The following MGAT5B variants were observed in gnomAD, a reference collection of about 807,000 sequenced individuals.
MGAT5B encodes the protein alpha-1,6-mannosylglycoprotein 6-beta-N-acetylglucosaminyltransferase B, also known as N-acetylglucosaminyl-transferase Vb.
A neutral mutation model predicts 95.1 loss-of-function variants in MGAT5B; 54 were observed. That is an observed-to-expected ratio of 0.57 (90% confidence interval 0.46 to 0.71). The LOEUF (loss-of-function observed/expected upper bound fraction) is 0.71, where lower values mean the gene tolerates loss of function less well. Among genes scored for constraint, MGAT5B ranks in the 30% least tolerant of loss-of-function variants. The pLI, the probability that MGAT5B is intolerant of heterozygous loss-of-function variation, is 0.00. For synonymous variants in MGAT5B, 464 were observed against 451.0 expected, an observed-to-expected ratio of 1.03 and a Z score of -0.36; for missense variants, 935 against 1,088.6, an observed-to-expected ratio of 0.86 and a Z score of 1.99.
At chr17:76,908,275 C>CTT (rs5822149) in intron 8 of MGAT5B, among the ~76,000 whole-genome samples, 4 of 103,066 alleles carry the variant, frequency 3.9e-5, no homozygotes, top group Non-Finnish European at 5.7e-5. Context: ...TTTCTTTCTT[C>CTT]TTTTTTTTTT....
intron 3 of MGAT5B, among the ~76,000 whole-genome samples, chr17:76,900,117 G>C (rs1968251342): frequency 6.6e-6 from 1 of 152,090 alleles, no homozygotes; most frequent in African/African-American, 2.4e-5. Context: ...GAGAGGCTCG[G>C]TGACCTGCCC....
chr17:76,933,529 C>A (rs569071092), intron 12 of MGAT5B, among the ~76,000 whole-genome samples: 1 of 152,132 alleles, frequency 6.6e-6, no homozygotes, highest in African/African-American at 2.4e-5. Flanking sequence ...GGTCAAGGTC[C>A]TGCTTGGCAT....
At chr17:76,900,847 G>A (rs1968277822) in intron 3 of MGAT5B, among the ~76,000 whole-genome samples, 1 of 152,194 alleles carries the variant, frequency 6.6e-6, no homozygotes, top group Non-Finnish European at 1.5e-5. Context: ...ACTAGAGTGA[G>A]AGGACAGACT....
Position 76,934,098 on chromosome 17 carries a change from A to G in MGAT5B, c.1428+801A>G, listed in dbSNP as rs185560462. On this transcript the variant is annotated intron_variant, in intron 12 of 17. Transcript: ENST00000569840. ...TGTGCCCAGCCCTGTTCTGGGTTCT[A>G]TGACTGAGGAAGGAGGAGAGAAGGA... Among the ~76,000 whole-genome samples, 16 of 152,248 alleles carry G rather than the reference A, an allele frequency of 1.1e-4. 1 individual carries two copies. Among genetic ancestry groups the G allele is most frequent in the South Asian group, 6.2e-4 (3 of 4,820 alleles).
At chr17:76,886,160 A>G (rs528316654) in intron 3 of MGAT5B, among the ~76,000 whole-genome samples, 1 of 152,362 alleles carries the variant, frequency 6.6e-6, no homozygotes, top group African/African-American at 2.4e-5. Context: ...CCATAAGGCC[A>G]TAAAACCACC....
Position 76,946,421 on chromosome 17 carries a change from G to C in MGAT5B, c.1894G>C (p.Glu632Gln). ...PYEYTCEGML[E>Q]RIHAYIQHQD... The stretch of plus-strand genomic sequence containing the variant: ...CGAGTACACCTGCGAGGGGATGCTG[G>C]AGCGGATCCACGCCTACATCCAGCA... Residue 632 changes from glutamate (E) to glutamine (Q), a missense_variant, in exon 16 of 18, where the codon GAG (glutamate) becomes CAG (glutamine). This residue lies in a region of MGAT5B where 440 missense variants were observed against 523.6 expected (regional missense o/e 0.84). Coordinates refer to ENST00000569840, the MANE Select transcript of MGAT5B (RefSeq NM_001199172.2). 6.2e-7 allele frequency: 1 copy of C among 1,604,714 alleles called. No individual in the cohort carries two copies. Among genetic ancestry groups the C allele is most frequent in the Non-Finnish European group, 8.5e-7 (1 of 1,175,184 alleles).
At chr17:76,904,594 G>A (rs1567805331) in intron 6 of MGAT5B, among the ~76,000 whole-genome samples, 172 bp downstream of exon 6, 2 of 152,250 alleles carry the variant, frequency 1.3e-5, no homozygotes, top group Admixed American at 6.5e-5. Context: ...GCCAAGGCCT[G>A]TCTGCCTTCT....
intron 6 of MGAT5B, among the ~76,000 whole-genome samples, chr17:76,904,728 C>T (rs1209348711): frequency 3.9e-5 from 6 of 152,228 alleles, no homozygotes; most frequent in Non-Finnish European, 2.9e-5. Context: ...TGTCCAGATG[C>T]TTTATTTGCA....
At chr17:76,947,008 A>G (rs571852420) in intron 16 of MGAT5B, among the ~76,000 whole-genome samples, 1 of 152,286 alleles carries the variant, frequency 6.6e-6, no homozygotes, top group South Asian at 2.1e-4. Context: ...GTGGGTGAGG[A>G]GGAGGGCGTG....
At chr17:76,877,802 A>G (rs1026811146) in intron 2 of MGAT5B, among the ~76,000 whole-genome samples, 1 of 151,868 alleles carries the variant, frequency 6.6e-6, no homozygotes, top group African/African-American at 2.4e-5. Flanking sequence ...TCAATTTCCA[A>G]TGGTAAAGGG....
rs963942520 is a variant in MGAT5B at position 76,905,502 on chromosome 17, C to T, written c.855+169C>T. On this transcript the variant is annotated intron_variant, in intron 7 of 17. Transcript: ENST00000569840. The surrounding 1 kb of genome is among the most constrained non-coding windows in gnomAD (Gnocchi z 4.2). ...TCGGGATAGATGTCTGTGGTGGTGG[C>T]CCCTGGCCCTTTTCAAGGTTGGGAC... 2.6e-5 allele frequency among the ~76,000 whole-genome samples: 4 copies of T among 152,154 alleles called. No individual in the cohort carries two copies. The highest frequency in any genetic ancestry group is 1.9e-4 in the East Asian group (1 of 5,188).
chr17:76,936,649 C>T (rs774223597), intron 12 of MGAT5B, among the ~76,000 whole-genome samples: 2 of 152,252 alleles, frequency 1.3e-5, no homozygotes, highest in South Asian at 2.1e-4. Flanking sequence ...AGTTCTTTTA[C>T]GTTTTTGCGT....
In MGAT5B at chr17:76,882,249, A is replaced by T; in HGVS notation, c.280A>T (p.Ser94Cys). The change falls in exon 3 of 18, where the codon AGC (serine) becomes TGC (cysteine). Residue 94 changes from serine to cysteine, a missense_variant. Coordinates refer to ENST00000569840, the MANE Select transcript of MGAT5B (RefSeq NM_001199172.2). ...RMDALARLEN[S>C]SELHRAGGDL... ...GGACGCACTGGCCAGGCTGGAGAAC[A>T]GCAGTGAGCTGCACCGGGCCGGCGG... 4 of 1,613,730 alleles carry T rather than the reference A, an allele frequency of 2.5e-6. No individual in the cohort carries two copies. The highest frequency in any genetic ancestry group is 3.4e-6 in the Non-Finnish European group (4 of 1,179,944).
chr17:76,922,285 C>T (rs1969145061), intron 8 of MGAT5B, among the ~76,000 whole-genome samples: 1 of 152,170 alleles, frequency 6.6e-6, no homozygotes, highest in South Asian at 2.1e-4. Context: ...TTTTACTAGA[C>T]CCAGATTCCA....
At position 76,918,587 on chromosome 17, in the gene MGAT5B, G is replaced by A. The variant is rs1252662483; in HGVS notation, c.1026-6379G>A. 6.6e-6 allele frequency among the ~76,000 whole-genome samples: 1 copy of A among 152,214 alleles called. No homozygotes were observed. Among genetic ancestry groups the A allele is most frequent in the African/African-American group, 2.4e-5 (1 of 41,458 alleles). On this transcript the variant is annotated intron_variant, in intron 8 of 17. Coordinates refer to ENST00000569840, the MANE Select transcript of MGAT5B (RefSeq NM_001199172.2). The surrounding 1 kb of genome is among the most constrained non-coding windows in gnomAD (Gnocchi z 5.1). ...CCTAAAGCAGCTCATTAGATGTCCA[G>A]TTCAACCTCTGAGTTTCTTCTTTCT...
intron 3 of MGAT5B, among the ~76,000 whole-genome samples, chr17:76,883,693 T>C (rs902846936): frequency 2.0e-5 from 3 of 152,234 alleles, no homozygotes; most frequent in African/African-American, 7.2e-5. Context: ...ATTTGCTAAA[T>C]GTATTCTAGC....
intron 3 of MGAT5B, among the ~76,000 whole-genome samples, chr17:76,898,398 G>A (rs496994): frequency 0.13 from 19,140 of 147,852 alleles, 1,634 homozygotes; most frequent in African/African-American, 0.21. Flanking sequence ...ACGCGATCTC[G>A]GCTCACTGCA....
intron 15 of MGAT5B, among the ~76,000 whole-genome samples, chr17:76,942,303 G>A (rs572189261): frequency 8.5e-5 from 13 of 152,050 alleles, no homozygotes; most frequent in Admixed American, 4.6e-4. Flanking sequence ...CGAAGCGGGC[G>A]GATCACTTGA....
Position 76,925,066 on chromosome 17 carries a change from C to T in MGAT5B, c.1126C>T (p.Arg376Trp), listed in dbSNP as rs769396088. Residue 376 changes from arginine (R) to tryptophan (W), a missense_variant, in exon 9 of 18, where the codon CGG becomes TGG. Around this residue, in one of 4 missense-constraint regions of MGAT5B, gnomAD observed 243 missense variants for 305.5 expected, o/e 0.80. Coordinates refer to ENST00000569840, the MANE Select transcript of MGAT5B (RefSeq NM_001199172.2). ...CTACCACGGCCTGCAGCAGATGAAGCGGCACATGGGACTCTCCTTCAAGAA... is the reference window on the plus strand; with the variant it reads ...CTACCACGGCCTGCAGCAGATGAAGTGGCACATGGGACTCTCCTTCAAGAA... Reference protein sequence around the residue: ...TDYHGLQQMKRHMGLSFKKYR... With the variant: ...TDYHGLQQMKWHMGLSFKKYR... 13 of 1,611,314 alleles carry T rather than the reference C, an allele frequency of 8.1e-6. No individual in the cohort carries two copies. The highest frequency in any genetic ancestry group is 3.3e-5 in the South Asian group (3 of 91,020).
Sources: allele counts gnomAD v4.1 joint callset (sites outside exome capture counted in the v4.1 genomes callset), GRCh38; gene constraint gnomAD v4.1.1; regional missense constraint gnomAD v4.1.1; non-coding constraint Gnocchi (gnomAD v3.1); transcripts MANE v1.5; gene names NCBI Gene and HGNC (gene_info 2026-07-23, HGNC 2026-07-21).